Variants in BNC2 observed in about 807,000 individuals in gnomAD.
BNC2 encodes the protein basonuclin zinc finger protein 2.
A neutral mutation model predicts 76.3 loss-of-function variants in BNC2; 20 were observed. The ratio of observed to expected loss-of-function variants is 0.26; its 90% CI spans 0.18 to 0.38. The LOEUF is 0.38. Ranked by LOEUF, BNC2 falls within the 10% of genes least tolerant of loss-of-function variation. The probability of loss-of-function intolerance (pLI) is 1.00; values close to 1 mark genes in which losing one functional copy is unlikely to be tolerated. For missense variants in BNC2, 1,382 were observed against 1,399.8 expected, an observed-to-expected ratio of 0.99 and a Z score of 0.20; for synonymous variants, 582 against 514.8, an observed-to-expected ratio of 1.13 and a Z score of -1.77.
At chr9:16,457,667 AT>A (rs1821484168) in intron 5 of BNC2, among the ~76,000 whole-genome samples, 1 of 152,188 alleles carries the variant, frequency 6.6e-6, no homozygotes, top group Non-Finnish European at 1.5e-5. Context: ...ATGGACCAAA[AT>A]TCCAGATTCC....
chr9:16,473,252 T>C (rs1336565153), intron 5 of BNC2: 6 of 152,210 alleles, frequency 3.9e-5, no homozygotes, highest in Non-Finnish European at 8.8e-5. Flanking sequence ...ATTCAGATTC[T>C]TTAACAACCG....
At chr9:16,540,591 C>CA (rs1172078681) in intron 5 of BNC2, among the ~76,000 whole-genome samples, 2 of 151,984 alleles carry the variant, frequency 1.3e-5, no homozygotes, top group Non-Finnish European at 2.9e-5. Flanking sequence ...TAACTGGCTA[C>CA]AAAAAAGTGT....
At chr9:16,477,888 G>T (rs185542694) in intron 5 of BNC2, among the ~76,000 whole-genome samples, 1 of 152,078 alleles carries the variant, frequency 6.6e-6, no homozygotes, top group Non-Finnish European at 1.5e-5. Flanking sequence ...AGTCTCCTCC[G>T]GTGGGGGTAC....
rs138049877 is a variant in BNC2, at chr9:16,630,009, A to C, written c.331-46924T>G. 2.4e-3 allele frequency among the ~76,000 whole-genome samples: 371 copies of C among 152,358 alleles called. 2 individuals are homozygous for C. The highest frequency in any genetic ancestry group is 8.3e-3 in the African/African-American group (345 of 41,588). On this transcript the variant is annotated intron_variant, in intron 3 of 6. Transcript: ENST00000380672. ...ATGCTTTGGATAGCATGTTATCCAC[A>C]CTAGGACTTCTTTCAAAATTGGAGT...
intron 1 of BNC2, among the ~76,000 whole-genome samples, chr9:16,777,296 A>G (rs1468900955): frequency 1.3e-5 from 2 of 152,190 alleles, no homozygotes; most frequent in Non-Finnish European, 2.9e-5. Context: ...AGCAAAAAGG[A>G]GAACAGGGAC....
chr9:16,614,843 C>A (rs1820650368), intron 3 of BNC2, among the ~76,000 whole-genome samples: 3 of 151,720 alleles, frequency 2.0e-5, no homozygotes, highest in Non-Finnish European at 4.4e-5. Context: ...GTGGCCCCAA[C>A]TACTTGGGAA....
chr9:16,571,611 G>A (rs557018823), intron 4 of BNC2, among the ~76,000 whole-genome samples: 1 of 151,964 alleles, frequency 6.6e-6, no homozygotes, highest in East Asian at 1.9e-4. Context: ...CTTGTCTCCT[G>A]TCTACTTTTC....
At chr9:16,705,447 G>A (rs1323667541) in intron 3 of BNC2, among the ~76,000 whole-genome samples, 1 of 152,066 alleles carries the variant, frequency 6.6e-6, no homozygotes, top group South Asian at 2.1e-4. Flanking sequence ...CATGACCCCT[G>A]ACCCCTTGCA....
chr9:16,668,295 C>T (rs976347354), intron 3 of BNC2, among the ~76,000 whole-genome samples: 7 of 152,218 alleles, frequency 4.6e-5, no homozygotes, highest in Non-Finnish European at 1.0e-4. Context: ...CATCTTTACA[C>T]TGCCAGCCCC....
At chr9:16,493,247 G>A (rs1475191869) in intron 5 of BNC2, among the ~76,000 whole-genome samples, 1 of 152,128 alleles carries the variant, frequency 6.6e-6, no homozygotes, top group Non-Finnish European at 1.5e-5. Flanking sequence ...TTCCCAACCA[G>A]TGCATCCTGA....
chr9:16,734,981 T>A (rs1824622533), intron 2 of BNC2, among the ~76,000 whole-genome samples: 1 of 152,054 alleles, frequency 6.6e-6, no homozygotes, highest in African/African-American at 2.4e-5. Context: ...ACTAAAACAA[T>A]CAATGTAATA....
At chr9:16,625,834 G>C (rs1820979828) in intron 3 of BNC2, 1 of 152,248 alleles carries the variant, frequency 6.6e-6, no homozygotes, top group South Asian at 2.1e-4. Flanking sequence ...AGGAATGCAT[G>C]TGTGGCGGTA....
chr9:16,759,749 A>G (rs1250478555), intron 1 of BNC2, among the ~76,000 whole-genome samples: 1 of 148,302 alleles, frequency 6.7e-6, no homozygotes, highest in Non-Finnish European at 1.5e-5. Context: ...TTTGACACAG[A>G]GTCTCGCTCT....
chr9:16,618,321 G>C (rs1255953122), intron 3 of BNC2, among the ~76,000 whole-genome samples: 1 of 152,138 alleles, frequency 6.6e-6, no homozygotes, highest in Non-Finnish European at 1.5e-5. Flanking sequence ...ATTCTACGTA[G>C]ATTTCAGTTC....
intron 4 of BNC2, chr9:16,575,131 T>C (rs948884545): frequency 5.8e-6 from 2 of 346,518 alleles, no homozygotes; most frequent in Non-Finnish European, 8.1e-6. Flanking sequence ...CACTCACATT[T>C]CACAGATGAC....
chr9:16,482,528 G>T lies in BNC2; in HGVS notation c.670-45004C>A, dbSNP rs10810569. ...AAAGTCTATTTTGACAGTTTAAATT[G>T]TAAGCTAGCACCGATGAAGGTGATT... On this transcript the variant is annotated intron_variant, in intron 5 of 6. Transcript: ENST00000380672. Among the ~76,000 whole-genome samples the T allele has an allele frequency of 0.02, 3,093 of 152,152 alleles. 241 individuals carry two copies. In the East Asian group the frequency reaches 0.27, roughly 13 times the overall value.
intron 3 of BNC2, among the ~76,000 whole-genome samples, chr9:16,599,638 G>C (rs1038631991): frequency 1.3e-5 from 2 of 152,090 alleles, no homozygotes; most frequent in African/African-American, 4.8e-5. Context: ...ACAAAAATAA[G>C]CCAGGCGTGG....
intron 5 of BNC2, among the ~76,000 whole-genome samples, chr9:16,525,296 CA>C (rs1284836910): frequency 1.3e-5 from 2 of 151,682 alleles, no homozygotes; most frequent in Admixed American, 6.6e-5. Flanking sequence ...AAATGAAAAG[CA>C]AAAGCAAAAA....
intron 3 of BNC2, among the ~76,000 whole-genome samples, chr9:16,615,940 C>T (rs1820683945): frequency 6.6e-6 from 1 of 152,128 alleles, no homozygotes; most frequent in African/African-American, 2.4e-5. Flanking sequence ...TTGACTAAGG[C>T]CTCATAGCTG....
Sources: gnomAD v4.1 joint callset for allele counts (sites outside exome capture counted in the v4.1 genomes callset) on GRCh38, gnomAD v4.1.1 for gene constraint, MANE v1.5 for transcripts, NCBI Gene and HGNC (gene_info 2026-07-23, HGNC 2026-07-21) for gene names.